GSTCD: variants seen among roughly 807,000 people sequenced by gnomAD.
GSTCD encodes glutathione S-transferase C-terminal domain-containing protein.
A neutral mutation model predicts 68.3 loss-of-function variants in GSTCD; 44 were observed. That is an observed-to-expected ratio of 0.64 (90% CI 0.51 to 0.83). GSTCD has a LOEUF of 0.83. GSTCD is among the 40% of genes least tolerant of loss of function. GSTCD has a pLI of 0.00. For synonymous variants in GSTCD, 273 were observed against 255.2 expected, an observed-to-expected ratio of 1.07 and a Z score of -0.67; for missense variants, 739 against 735.9, an observed-to-expected ratio of 1.00 and a Z score of -0.05.
In GSTCD at chr4:105,719,077, G is replaced by A. The variant is rs1218003809; in HGVS notation, c.444G>A (p.Arg148=). Residue 148 remains arginine (R), a synonymous_variant, in exon 3 of 12, where the codon AGG becomes AGA. Transcript: ENST00000515279. ...KACAEVSQWT[R]LCELTIPLAI... Reference sequence around the variant, plus strand: ...TTTTGTAGGTTAGTCAGTGGACCAGGCTATGTGAACTCACCATCCCTTTGG... The same window carrying A: ...TTTTGTAGGTTAGTCAGTGGACCAGACTATGTGAACTCACCATCCCTTTGG... 1 of 1,613,026 alleles carries A rather than the reference G, an allele frequency of 6.2e-7. No homozygotes were observed.
At chr4:105,825,212 CT>C (rs1236328806) in intron 7 of GSTCD, among the ~76,000 whole-genome samples, 1 of 152,064 alleles carries the variant, frequency 6.6e-6, no homozygotes, top group Non-Finnish European at 1.5e-5. Flanking sequence ...TCACTATAAC[CT>C]CTGCTTCCTG....
intron 5 of GSTCD, among the ~76,000 whole-genome samples, chr4:105,773,794 A>G (rs867989230): frequency 5.3e-5 from 8 of 152,138 alleles, no homozygotes; most frequent in Non-Finnish European, 1.2e-4. Flanking sequence ...CAGTTTTAGA[A>G]TAAGTGTGAT....
chr4:105,735,950 AC>A (rs1421525791), intron 5 of GSTCD, among the ~76,000 whole-genome samples: 5 of 152,202 alleles, frequency 3.3e-5, no homozygotes, highest in African/African-American at 9.6e-5. Flanking sequence ...AAATTAACAA[AC>A]TTTAATGATC....
At chr4:105,713,349 T>C (rs750545851) in intron 1 of GSTCD, among the ~76,000 whole-genome samples, 1 of 152,134 alleles carries the variant, frequency 6.6e-6, no homozygotes, top group South Asian at 2.1e-4. Context: ...GTGCAGAAAC[T>C]TGTCAAATAA....
In GSTCD at chr4:105,840,307, T is replaced by C. The variant is rs1724286711; in HGVS notation, c.1696-1758T>C. 5 of 408,418 alleles carry C rather than the reference T, an allele frequency of 1.2e-5. No individual in the cohort carries two copies. In the Admixed American group the frequency reaches 1.3e-4, roughly 11 times the overall value. The allele number at this position is 408,418 out of a possible 1,614,324, so 25.3% of individuals were successfully genotyped here. On this transcript the variant is annotated intron_variant, in intron 10 of 11. Coordinates refer to ENST00000515279, the MANE Select transcript of GSTCD (RefSeq NM_001370181.1). ...ATCATGTAATTCTAAATTTTCCTTCTCTCCTTTCGTTGATGCCTGTTAGTT... is the reference window on the plus strand; with the variant it reads ...ATCATGTAATTCTAAATTTTCCTTCCCTCCTTTCGTTGATGCCTGTTAGTT...
intron 5 of GSTCD, among the ~76,000 whole-genome samples, chr4:105,753,644 G>C (rs1283343997): frequency 6.6e-6 from 1 of 151,932 alleles, no homozygotes; most frequent in Non-Finnish European, 1.5e-5. Flanking sequence ...CAAATATTAT[G>C]CCATTTGTAT....
intron 5 of GSTCD, chr4:105,746,126 T>G (rs1733794167): frequency 6.6e-6 from 1 of 152,168 alleles, no homozygotes; most frequent in Non-Finnish European, 1.5e-5. Context: ...CCCCAAAAAC[T>G]TAATAGCCTA....
chr4:105,794,567 C>A (rs961548342), intron 5 of GSTCD, among the ~76,000 whole-genome samples: 90 of 151,462 alleles, frequency 5.9e-4, no homozygotes, highest in Non-Finnish European at 2.4e-4. Flanking sequence ...TATTATGAAC[C>A]TAAAACTGCT....
intron 5 of GSTCD, among the ~76,000 whole-genome samples, chr4:105,777,543 C>A (rs2112047): frequency 0.82 from 124,507 of 152,124 alleles, 51,286 homozygotes; most frequent in East Asian, 0.96. Flanking sequence ...TGGAACATTA[C>A]TTTTTAACCT....
chr4:105,716,625 G>A (rs1454240912), intron 1 of GSTCD, among the ~76,000 whole-genome samples: 1 of 152,176 alleles, frequency 6.6e-6, no homozygotes, highest in Non-Finnish European at 1.5e-5. Context: ...CTCCTTATGA[G>A]AATCTAATGC....
chr4:105,750,271 C>G (rs1018237429), intron 5 of GSTCD, among the ~76,000 whole-genome samples: 1 of 151,860 alleles, frequency 6.6e-6, no homozygotes, highest in African/African-American at 2.4e-5. Flanking sequence ...CGATACCAGC[C>G]TCAACATGGA....
At chr4:105,834,428 A>G (rs756958674) in intron 8 of GSTCD, 33 bp from the exon 9 acceptor site, 2 of 1,604,708 alleles carry the variant, frequency 1.2e-6, no homozygotes, top group Non-Finnish European at 1.7e-6. Flanking sequence ...GTTAAGAGGG[A>G]ACTTAGTGCT....
intron 5 of GSTCD, among the ~76,000 whole-genome samples, chr4:105,817,419 A>T (rs1399794783): frequency 6.6e-6 from 1 of 151,856 alleles, no homozygotes; most frequent in Admixed American, 6.6e-5. Context: ...ACAAAATTAT[A>T]AGAGTAAAAA....
chr4:105,764,083 AT>A (rs973295415), intron 5 of GSTCD, among the ~76,000 whole-genome samples: 2 of 152,192 alleles, frequency 1.3e-5, no homozygotes, highest in Non-Finnish European at 2.9e-5. Context: ...AATTAAAAAA[AT>A]AGGACAGAAA....
rs370758678 is a variant in GSTCD, at chr4:105,772,180, C to A, written c.1240+42681C>A. On this transcript the variant is annotated intron_variant, in intron 5 of 11. Transcript: ENST00000515279. ...TTTGGCTGTTTGTCCATTATTGGTG[C>A]ATAGCAATGCTTGTGATTTTTGCAC... Among the ~76,000 whole-genome samples the A allele has an allele frequency of 3.9e-5, 6 of 152,026 alleles. No individual in the cohort carries two copies. The East Asian group carries it at 9.6e-4, about 24-fold the overall frequency.
chr4:105,764,884 A>G (rs1157876112), intron 5 of GSTCD, among the ~76,000 whole-genome samples: 1 of 152,044 alleles, frequency 6.6e-6, no homozygotes, highest in Non-Finnish European at 1.5e-5. Context: ...AAATAAAGAC[A>G]TTTTTCTTTA....
At chr4:105,777,040 C>T (rs1735095208) in intron 5 of GSTCD, among the ~76,000 whole-genome samples, 1 of 152,184 alleles carries the variant, frequency 6.6e-6, no homozygotes, top group Non-Finnish European at 1.5e-5. Flanking sequence ...TCACATTGAG[C>T]ATCTGTTCTG....
chr4:105,755,889 T>C (rs1431099219), intron 5 of GSTCD, among the ~76,000 whole-genome samples: 1 of 152,016 alleles, frequency 6.6e-6, no homozygotes, highest in East Asian at 1.9e-4. Flanking sequence ...CAGGTATGTA[T>C]AGTTTATGTA....
At chr4:105,840,956 A>G (rs1270895122) in intron 10 of GSTCD, among the ~76,000 whole-genome samples, 1 of 152,170 alleles carries the variant, frequency 6.6e-6, no homozygotes, top group Non-Finnish European at 1.5e-5. Context: ...CCTGCTGGAT[A>G]TCCCAGAAAA....
Sources: allele counts gnomAD v4.1 joint callset (sites outside exome capture counted in the v4.1 genomes callset), GRCh38; gene constraint gnomAD v4.1.1; transcripts MANE v1.5; gene names NCBI Gene and HGNC (gene_info 2026-07-23, HGNC 2026-07-21).